The following ATG10 variants were observed in gnomAD, a reference collection of about 807,000 sequenced individuals.
ATG10 encodes ubiquitin-like-conjugating enzyme ATG10.
A neutral mutation model predicts 32.1 loss-of-function variants in ATG10; 30 were observed. The observed-to-expected ratio is 0.94, with a 90% confidence interval of 0.70 to 1.27. The LOEUF is 1.27. Among genes scored for constraint, ATG10 ranks in the 50% most tolerant of loss-of-function variants. The probability of loss-of-function intolerance (pLI) is 0.00; values close to 1 mark genes in which losing one functional copy is unlikely to be tolerated. For synonymous variants in ATG10, 87 were observed against 91.5 expected (o/e 0.95, Z 0.28); for missense variants, 233 against 262.3 (o/e 0.89, Z 0.77).
At chr5:82,190,132 C>T (rs936425663) in intron 5 of ATG10, among the ~76,000 whole-genome samples, 3 of 152,162 alleles carry the variant, frequency 2.0e-5, no homozygotes, top group South Asian at 4.2e-4. Context: ...ACATATTTTG[C>T]GCTGTCTTCA....
intron 5 of ATG10, among the ~76,000 whole-genome samples, chr5:82,199,299 T>G (rs889563603): frequency 5.9e-5 from 9 of 152,238 alleles, no homozygotes; most frequent in African/African-American, 2.2e-4. Flanking sequence ...TTGTGAGAGA[T>G]TGTCTCAAAT....
intron 2 of ATG10, among the ~76,000 whole-genome samples, chr5:81,988,880 A>G (rs1487918968): frequency 6.6e-6 from 1 of 152,118 alleles, no homozygotes; most frequent in East Asian, 1.9e-4. Context: ...CCCAGGCTGG[A>G]GTGCAGTGGC....
intron 3 of ATG10, among the ~76,000 whole-genome samples, chr5:82,085,239 C>T (rs750919057): frequency 6.6e-6 from 1 of 151,940 alleles, no homozygotes; most frequent in Non-Finnish European, 1.5e-5. Flanking sequence ...CAAAGAAGGC[C>T]ATTACTTAAT....
chr5:82,128,125 G>C (rs1766354849), intron 3 of ATG10, among the ~76,000 whole-genome samples: 2 of 150,898 alleles, frequency 1.3e-5, no homozygotes, highest in South Asian at 2.1e-4. Flanking sequence ...TTGTTTTTTT[G>C]CCTTCCATTT....
At chr5:81,979,293 C>T (rs372408914) in intron 1 of ATG10, among the ~76,000 whole-genome samples, 3 of 152,098 alleles carry the variant, frequency 2.0e-5, no homozygotes, top group African/African-American at 2.4e-5. Flanking sequence ...TTCCAGAGGC[C>T]GAGATGGACG....
At chr5:82,016,904 A>G (rs1366122832) in intron 2 of ATG10, among the ~76,000 whole-genome samples, 2 of 151,894 alleles carry the variant, frequency 1.3e-5, no homozygotes, top group East Asian at 3.9e-4. Flanking sequence ...GTTAGCCAGG[A>G]TGGTCTCGAG....
At chr5:82,115,798 T>C (rs1765789450) in intron 3 of ATG10, among the ~76,000 whole-genome samples, 1 of 152,024 alleles carries the variant, frequency 6.6e-6, no homozygotes, top group Non-Finnish European at 1.5e-5. Context: ...TTATGGCAAG[T>C]TGGATCAGGC....
chr5:82,058,379 T>G, intron 2 of ATG10, 116 bp from the exon 3 acceptor site: 7 of 716,464 alleles, frequency 9.8e-6, no homozygotes, highest in Middle Eastern at 2.9e-4. Context: ...ATAGTCTCAT[T>G]TAGTACATTT....
chr5:82,138,380 G>T (rs750320334), intron 3 of ATG10, among the ~76,000 whole-genome samples: 1 of 152,348 alleles, frequency 6.6e-6, no homozygotes, highest in African/African-American at 2.4e-5. Context: ...GAGTCTCCTG[G>T]TCTGTGGGTT....
At chr5:81,992,005 A>C (rs1309406573) in intron 2 of ATG10, 1 of 151,848 alleles carries the variant, frequency 6.6e-6, no homozygotes, top group East Asian at 1.9e-4. Context: ...TTTTTTTTTA[A>C]ATCGAGACAG....
chr5:82,196,205 C>T (rs1175310861), intron 5 of ATG10, among the ~76,000 whole-genome samples: 2 of 152,100 alleles, frequency 1.3e-5, no homozygotes, highest in Non-Finnish European at 1.5e-5. Context: ...AATGTATACT[C>T]AAATCCTTTG....
chr5:82,232,445 C>T (rs1248888767), intron 5 of ATG10, among the ~76,000 whole-genome samples: 1 of 152,144 alleles, frequency 6.6e-6, no homozygotes, highest in African/African-American at 2.4e-5. Context: ...ATACATTCCA[C>T]GACCTTGGAT....
At chr5:81,992,572 T>C (rs1474982370) in intron 2 of ATG10, 1 of 152,036 alleles carries the variant, frequency 6.6e-6, no homozygotes, top group African/African-American at 2.4e-5. Flanking sequence ...CAGCTAATTC[T>C]GTTTTATTTT....
chr5:82,078,907 A>T (rs1294013863), intron 3 of ATG10, among the ~76,000 whole-genome samples: 2 of 152,172 alleles, frequency 1.3e-5, no homozygotes, highest in African/African-American at 4.8e-5. Flanking sequence ...CCCTCTACCA[A>T]GGAGCTGTGG....
Position 81,998,458 on chromosome 5 carries a change from A to G in ATG10, c.108+10780A>G, listed in dbSNP as rs572972540. ...ACACTTAAGTACATAGACCAGTGAC[A>G]CTATAAAGCAACCACACAAACAAGT... On this transcript the variant is annotated intron_variant, in intron 2 of 7. Transcript: ENST00000282185. Among the ~76,000 whole-genome samples, 19 of 152,348 alleles carry G rather than the reference A, an allele frequency of 1.2e-4. 1 individual carries two copies. In the South Asian group the frequency reaches 3.7e-3, roughly 30 times the overall value.
intron 3 of ATG10, among the ~76,000 whole-genome samples, chr5:82,139,613 C>T (rs1359048929): frequency 2.2e-5 from 3 of 136,414 alleles, no homozygotes; most frequent in Non-Finnish European, 3.2e-5. Context: ...CGGCAGCCAC[C>T]CCATCTGGGA....
chr5:82,011,449 T>TG (rs1222914281), intron 2 of ATG10, among the ~76,000 whole-genome samples: 1 of 152,194 alleles, frequency 6.6e-6, no homozygotes, highest in Non-Finnish European at 1.5e-5. Context: ...CCTGCCAAGG[T>TG]GATCTTATAA....
intron 2 of ATG10, among the ~76,000 whole-genome samples, chr5:82,012,734 C>T (rs889340804): frequency 1.3e-5 from 2 of 152,110 alleles, no homozygotes; most frequent in Admixed American, 1.3e-4. Flanking sequence ...CGGTTCATTG[C>T]AACCTCCACC....
intron 2 of ATG10, among the ~76,000 whole-genome samples, chr5:81,995,984 T>C (rs1158351077): frequency 6.6e-6 from 1 of 152,250 alleles, no homozygotes; most frequent in Non-Finnish European, 1.5e-5. Flanking sequence ...GATGCAGATC[T>C]AGATAACTAG....
Sources: gnomAD v4.1 joint callset for allele counts (sites outside exome capture counted in the v4.1 genomes callset) on GRCh38, gnomAD v4.1.1 for gene constraint, MANE v1.5 for transcripts, NCBI Gene and HGNC (gene_info 2026-07-23, HGNC 2026-07-21) for gene names.